EPHA3: variants seen among roughly 807,000 people sequenced by gnomAD.
EPHA3 encodes the protein EPH receptor A3, also known as ephrin type-A receptor 3.
A neutral mutation model predicts 107.1 loss-of-function variants in EPHA3; 42 were observed. The observed-to-expected ratio is 0.39, with a 90% CI of 0.31 to 0.51. The LOEUF (loss-of-function observed/expected upper bound fraction) is 0.51. Ranked by LOEUF, EPHA3 falls within the 20% of genes least tolerant of loss-of-function variation. The pLI is 0.78. For missense variants in EPHA3, 1,183 were observed against 1,211.2 expected (o/e 0.98, Z 0.35); for synonymous variants, 461 against 424.8 (o/e 1.09, Z -1.05).
intron 2 of EPHA3, among the ~76,000 whole-genome samples, chr3:89,145,864 T>C (rs1576182217): frequency 6.6e-6 from 1 of 151,810 alleles, no homozygotes; most frequent in Non-Finnish European, 1.5e-5. Flanking sequence ...GACACCACTG[T>C]GTAATAATAT....
chr3:89,409,550 T>C (rs1709118157), intron 9 of EPHA3, among the ~76,000 whole-genome samples: 1 of 152,068 alleles, frequency 6.6e-6, no homozygotes, highest in Non-Finnish European at 1.5e-5. Context: ...GTTTTGCTAT[T>C]GTTTTTATGG....
chr3:89,429,117 A>G lies in EPHA3; in HGVS notation c.2086A>G (p.Met696Val), dbSNP rs1709511363. ...EGVVTKSKPV[M>V]IVTEYMENGS... Reference sequence around the variant, plus strand: ...TACTGTATATCTAGGTAAGCCAGTTATGATTGTCACAGAATACATGGAGAA... The same window carrying G: ...TACTGTATATCTAGGTAAGCCAGTTGTGATTGTCACAGAATACATGGAGAA... Residue 696 changes from methionine to valine, a missense_variant, in exon 12 of 17, where the codon ATG becomes GTG. Physicochemically the swap from Met to Val is conservative, Grantham distance 21. Coordinates refer to ENST00000336596, the MANE Select transcript of EPHA3 (RefSeq NM_005233.6). 6 of 1,609,720 alleles carry G rather than the reference A, an allele frequency of 3.7e-6. No homozygotes were observed. Among genetic ancestry groups the G allele is most frequent in the Non-Finnish European group, 5.1e-6 (6 of 1,176,776 alleles).
At chr3:89,272,752 A>G (rs1705704900) in intron 3 of EPHA3, among the ~76,000 whole-genome samples, 1 of 151,888 alleles carries the variant, frequency 6.6e-6, no homozygotes, top group Admixed American at 6.6e-5. Context: ...CTCATAACCA[A>G]TCATGTTTAA....
intron 3 of EPHA3, among the ~76,000 whole-genome samples, chr3:89,224,122 G>A (rs1410743108): frequency 6.6e-6 from 1 of 152,084 alleles, no homozygotes; most frequent in Non-Finnish European, 1.5e-5. Context: ...CTTGAACATA[G>A]GCACACATGG....
chr3:89,398,391 G>A (rs535690314), intron 6 of EPHA3, among the ~76,000 whole-genome samples: 5 of 152,126 alleles, frequency 3.3e-5, no homozygotes, highest in African/African-American at 9.7e-5. Context: ...AAAATGTGTC[G>A]TGTGAATCTA....
chr3:89,209,141 C>T (rs1706201064), intron 2 of EPHA3, among the ~76,000 whole-genome samples: 1 of 152,160 alleles, frequency 6.6e-6, no homozygotes, highest in Admixed American at 6.5e-5. Flanking sequence ...ACTGCTATAA[C>T]AACAAAACCC....
rs573611094 is a variant in EPHA3, at chr3:89,445,411, T to C, written c.2347-3814T>C. On this transcript the variant is annotated intron_variant, in intron 13 of 16. Transcript: ENST00000336596. ...AAGAGTTTTTCATTAAAAATAAAAA[T>C]AAATATGTTTACTTCTAAGTATATA... Among the ~76,000 whole-genome samples the C allele has an allele frequency of 7.9e-5, 12 of 152,236 alleles. No homozygotes were observed. In the East Asian group the frequency reaches 2.1e-3, roughly 27 times the overall value.
intron 15 of EPHA3, among the ~76,000 whole-genome samples, chr3:89,456,158 T>C (rs1043892686): frequency 4.6e-5 from 7 of 152,200 alleles, no homozygotes; most frequent in Non-Finnish European, 1.0e-4. Context: ...GATCATATGG[T>C]AAAAGCCTAG....
chr3:89,354,485 C>A (rs1295328243), intron 5 of EPHA3, among the ~76,000 whole-genome samples: 2 of 150,704 alleles, frequency 1.3e-5, no homozygotes, highest in African/African-American at 2.4e-5. Flanking sequence ...AAAAAAAATA[C>A]ATCCCTTTCT....
intron 3 of EPHA3, among the ~76,000 whole-genome samples, chr3:89,309,655 A>T (rs1241462005): frequency 6.6e-6 from 1 of 152,126 alleles, no homozygotes; most frequent in Non-Finnish European, 1.5e-5. Context: ...TACTGTTGTT[A>T]TTATTATTCT....
chr3:89,359,828 TATATAC>T (rs201002990), intron 5 of EPHA3, among the ~76,000 whole-genome samples: 2,779 of 134,016 alleles, frequency 0.021, 130 homozygotes, highest in Admixed American at 0.041. Flanking sequence ...TATACATATA[TATATAC>T]ATATATATAT....
At chr3:89,148,638 A>T (rs1704622709) in intron 2 of EPHA3, among the ~76,000 whole-genome samples, 1 of 152,018 alleles carries the variant, frequency 6.6e-6, no homozygotes, top group Non-Finnish European at 1.5e-5. Flanking sequence ...GAGCCTGTAT[A>T]ACTTTCAGAA....
At chr3:89,115,105 G>T (rs1288516445) in intron 1 of EPHA3, among the ~76,000 whole-genome samples, 1 of 152,130 alleles carries the variant, frequency 6.6e-6, no homozygotes, top group African/African-American at 2.4e-5. Flanking sequence ...CTCTTACTGG[G>T]TGCGCTTGGT....
chr3:89,236,295 A>G (rs1704758966), intron 3 of EPHA3, among the ~76,000 whole-genome samples: 1 of 152,050 alleles, frequency 6.6e-6, no homozygotes, highest in African/African-American at 2.4e-5. Context: ...TATTAAAACT[A>G]TATAAGATCT....
chr3:89,429,358 T>C (rs1576373328), intron 12 of EPHA3, among the ~76,000 whole-genome samples, 191 bp downstream of exon 12: 1 of 152,166 alleles, frequency 6.6e-6, no homozygotes, highest in African/African-American at 2.4e-5. Context: ...TAATGGTTTA[T>C]ATTTTTAAAA....
chr3:89,425,809 C>G (rs1576371626), intron 11 of EPHA3, among the ~76,000 whole-genome samples: 1 of 151,460 alleles, frequency 6.6e-6, no homozygotes, highest in East Asian at 1.9e-4. Context: ...ATAGCTGGTG[C>G]TGAATCTGGA....
chr3:89,468,451 A>C lies in EPHA3; in HGVS notation c.2691-4013A>C, dbSNP rs1008256919. On this transcript the variant is annotated intron_variant, in intron 15 of 16. Coordinates refer to ENST00000336596, the MANE Select transcript of EPHA3 (RefSeq NM_005233.6). ...CTGAACTGAGAAGAAAGAATTCTGC[A>C]TTTTGCTATTAGGCACACTTCATAA... Among the ~76,000 whole-genome samples, 47 of 152,260 alleles carry C rather than the reference A, an allele frequency of 3.1e-4. 1 individual carries two copies. Among genetic ancestry groups the C allele is most frequent in the African/African-American group, 1.1e-3 (47 of 41,552 alleles).
intron 5 of EPHA3, among the ~76,000 whole-genome samples, chr3:89,356,774 C>T (rs1707967212): frequency 6.6e-6 from 1 of 150,610 alleles, no homozygotes; most frequent in Admixed American, 6.7e-5. Context: ...ATATATTGGC[C>T]TATATCTCTT....
intron 3 of EPHA3, among the ~76,000 whole-genome samples, chr3:89,234,000 T>C (rs1382487996): frequency 6.6e-6 from 1 of 152,188 alleles, no homozygotes; most frequent in Non-Finnish European, 1.5e-5. Context: ...GAAAGTAGAA[T>C]GATTGAAGAA....
Sources: gnomAD v4.1 joint callset for allele counts (sites outside exome capture counted in the v4.1 genomes callset) on GRCh38, gnomAD v4.1.1 for gene constraint, MANE v1.5 for transcripts, NCBI Gene and HGNC (gene_info 2026-07-23, HGNC 2026-07-21) for gene names.